The following GOT1 variants were observed in gnomAD, a reference collection of about 807,000 sequenced individuals.
The protein encoded by GOT1 is aspartate aminotransferase, cytoplasmic.
A neutral mutation model predicts 48.2 loss-of-function variants in GOT1; 25 were observed. The observed-to-expected ratio is 0.52, with a 90% confidence interval of 0.38 to 0.72. The LOEUF (loss-of-function observed/expected upper bound fraction) is 0.72. Ranked by LOEUF, GOT1 falls within the 30% of genes least tolerant of loss-of-function variation. The pLI is 0.00. For synonymous variants in GOT1, 188 were observed against 193.8 expected, an observed-to-expected ratio of 0.97 and a Z score of 0.25; for missense variants, 380 against 520.1, an observed-to-expected ratio of 0.73 and a Z score of 2.62.
At chr10:99,412,715 C>T (rs1345816286) in intron 2 of GOT1, among the ~76,000 whole-genome samples, 2 of 152,084 alleles carry the variant, frequency 1.3e-5, no homozygotes, top group East Asian at 1.9e-4. Context: ...CAGACTGATA[C>T]CTCACATGGC....
At chr10:99,406,873 C>T in intron 2 of GOT1, 24 bp from the exon 3 acceptor site, 17 of 1,612,126 alleles carry the variant, frequency 1.1e-5, no homozygotes, top group Non-Finnish European at 1.4e-5. Flanking sequence ...AACAGGGTCA[C>T]AGGCTGATAA....
chr10:99,415,651 T>C (rs1485916243), intron 2 of GOT1, among the ~76,000 whole-genome samples: 1 of 152,130 alleles, frequency 6.6e-6, no homozygotes, highest in Non-Finnish European at 1.5e-5. Context: ...AAAGAGAATT[T>C]TAGACCAATA....
rs940861286 is a variant in GOT1 at position 99,397,954 on chromosome 10, A to G, written c.1103-268T>C. 6.6e-6 allele frequency among the ~76,000 whole-genome samples: 1 copy of G among 152,184 alleles called. No homozygotes were observed. The highest frequency in any genetic ancestry group is 2.4e-5 in the African/African-American group (1 of 41,448). ...TTTAATCTGAGATTGCCTTCCAACC[A>G]AGCCTTATACATTATATCCACCAGG... On this transcript the variant is annotated intron_variant, in intron 8 of 8. Coordinates refer to ENST00000370508, the MANE Select transcript of GOT1 (RefSeq NM_002079.3). This position sits in a 1 kb window ranked among gnomAD's most constrained non-coding sequence, Gnocchi z 5.4.
rs1259643541 is a variant in GOT1, at chr10:99,396,916, A to G, written c.*631T>C. On this transcript the variant is annotated 3_prime_UTR_variant, in exon 9 of 9. Transcript: ENST00000370508. The stretch of plus-strand genomic sequence containing the variant: ...TATTTTTTTAGGTGAAGTAGAACAC[A>G]ATAGAATGGCTCAAAAATATCAGAA... The G allele has an allele frequency of 6.6e-6, 1 of 152,328 alleles. No individual in the cohort carries two copies. The highest frequency in any genetic ancestry group is 1.5e-5 in the Non-Finnish European group (1 of 68,104). The allele number at this position is 152,328 out of a possible 1,614,324, so 9.4% of individuals were successfully genotyped here.
chr10:99,411,103 A>C (rs113210191), intron 2 of GOT1, among the ~76,000 whole-genome samples: 1 of 152,264 alleles, frequency 6.6e-6, no homozygotes, highest in Non-Finnish European at 1.5e-5. Context: ...ATGGTACTAC[A>C]TAAGCATGTG....
chr10:99,415,362 G>C (rs947523500), intron 2 of GOT1, among the ~76,000 whole-genome samples: 2 of 152,096 alleles, frequency 1.3e-5, no homozygotes, highest in African/African-American at 4.8e-5. Context: ...TAAATTCCTC[G>C]ACACATACAC....
intron 7 of GOT1, 49 bp downstream of exon 7, chr10:99,403,420 C>A: frequency 6.9e-7 from 1 of 1,454,000 alleles, no homozygotes; most frequent in Non-Finnish European, 9.5e-7. Context: ...GGGACAATTA[C>A]TGTTCTGCAC....
rs1589946607 is a variant in GOT1 at position 99,430,109 on chromosome 10, A to G, written c.118+339T>C. On this transcript the variant is annotated intron_variant, in intron 1 of 8. Coordinates refer to ENST00000370508, the MANE Select transcript of GOT1 (RefSeq NM_002079.3). Reference sequence around the variant, plus strand: ...GAACCCTAAGCCTATCAGGCTTCCTATTTTTCTACCTCTCTCTACAAGCTC... The same window carrying G: ...GAACCCTAAGCCTATCAGGCTTCCTGTTTTTCTACCTCTCTCTACAAGCTC... 8.5e-6 allele frequency: 4 copies of G among 471,286 alleles called. No homozygotes were observed. In the East Asian group the frequency reaches 1.8e-4, roughly 21 times the overall value. The allele number at this position is 471,286 out of a possible 1,614,324, so 29.2% of individuals were successfully genotyped here.
At chr10:99,401,752 T>TA (rs1589934380) in intron 8 of GOT1, among the ~76,000 whole-genome samples, 2 of 152,014 alleles carry the variant, frequency 1.3e-5, no homozygotes, top group East Asian at 1.9e-4. Flanking sequence ...ACCAAGACCA[T>TA]GCATGACCAC....
chr10:99,425,847 G>A lies in GOT1; in HGVS notation c.118+4601C>T, dbSNP rs2033031419. Among the ~76,000 whole-genome samples the A allele has an allele frequency of 3.3e-5, 5 of 152,100 alleles. No homozygotes were observed. The South Asian group carries it at 1.0e-3, about 31-fold the overall frequency. On this transcript the variant is annotated intron_variant, in intron 1 of 8. Transcript: ENST00000370508. ...TGTAGGATGTGTCCACTGTAGGCCT[G>A]ACATTCAGAGATGAGGTCTGGGGCA...
At chr10:99,427,140 A>G (rs1443867099) in intron 1 of GOT1, among the ~76,000 whole-genome samples, 16 of 152,274 alleles carry the variant, frequency 1.1e-4, no homozygotes, top group Non-Finnish European at 7.3e-5. Context: ...CATTTCACAT[A>G]TAATTATTCA....
At chr10:99,421,780 C>A in intron 1 of GOT1, among the ~76,000 whole-genome samples, 1 of 152,042 alleles carries the variant, frequency 6.6e-6, no homozygotes, top group East Asian at 1.9e-4. Flanking sequence ...TAATCCTACA[C>A]TTACGCAAGT....
intron 2 of GOT1, among the ~76,000 whole-genome samples, chr10:99,419,629 G>A (rs1445600089): frequency 6.6e-6 from 1 of 152,144 alleles, no homozygotes; most frequent in Non-Finnish European, 1.5e-5. Flanking sequence ...CCATGGGGGA[G>A]AAGAAAAGGG....
chr10:99,419,163 G>T (rs1387927748), intron 2 of GOT1, among the ~76,000 whole-genome samples: 1 of 152,084 alleles, frequency 6.6e-6, no homozygotes, highest in African/African-American at 2.4e-5. Flanking sequence ...ACAGCATGTG[G>T]GGAATAAATC....
chr10:99,405,973 C>G, intron 4 of GOT1, 113 bp from the exon 5 acceptor site: 1 of 799,042 alleles, frequency 1.3e-6, no homozygotes, highest in Non-Finnish European at 2.2e-6. Flanking sequence ...TCTTGTCACT[C>G]TTTCATGTCT....
intron 2 of GOT1, among the ~76,000 whole-genome samples, chr10:99,410,481 A>AT (rs1260919333): frequency 1.3e-5 from 2 of 152,172 alleles, no homozygotes; most frequent in African/African-American, 2.4e-5. Flanking sequence ...AAGCAAATTC[A>AT]TTTTTTTAAA....
intron 2 of GOT1, among the ~76,000 whole-genome samples, chr10:99,417,743 T>C (rs2032914768): frequency 6.6e-6 from 1 of 152,154 alleles, no homozygotes; most frequent in Admixed American, 6.6e-5. Flanking sequence ...TGAGTTCATG[T>C]CCTTTGTAGG....
At chr10:99,411,319 G>A (rs2032825554) in intron 2 of GOT1, among the ~76,000 whole-genome samples, 1 of 152,176 alleles carries the variant, frequency 6.6e-6, no homozygotes, top group Non-Finnish European at 1.5e-5. Context: ...ATTTCTGTCT[G>A]GATCCTAAGA....
In GOT1 at chr10:99,403,533, G is replaced by C. The variant is rs377501382; in HGVS notation, c.895C>G (p.Pro299Ala). 2.1e-5 allele frequency: 34 copies of C among 1,614,120 alleles called. No homozygotes were observed. The highest frequency in any genetic ancestry group is 2.8e-5 in the Non-Finnish European group (33 of 1,180,000). The change falls in exon 7 of 9, where the codon CCC becomes GCC. Residue 299 changes from proline to alanine, a missense_variant. Physicochemically the swap from Pro to Ala is conservative, Grantham distance 27. Coordinates refer to ENST00000370508, the MANE Select transcript of GOT1 (RefSeq NM_002079.3). ...ACAATTCGTGCTCCCTGGGCGGGGG[G>C]ATTGGACCAAGTAATCCGCACGATC... ...EKIVRITWSN[P>A]PAQGARIVAS... is the part of the protein sequence containing the mutation.
Sources: gnomAD v4.1 joint callset for allele counts (sites outside exome capture counted in the v4.1 genomes callset) on GRCh38, gnomAD v4.1.1 for gene constraint, Gnocchi (gnomAD v3.1) non-coding constraint, MANE v1.5 for transcripts, NCBI Gene and HGNC (gene_info 2026-07-23, HGNC 2026-07-21) for gene names.